The following RNF103 variants were observed in gnomAD, a reference collection of about 807,000 sequenced individuals.
RNF103 encodes E3 ubiquitin-protein ligase RNF103.
RNF103 carries 23 observed loss-of-function variants against 66.2 expected under a neutral mutation model. The observed-to-expected ratio is 0.35, with a 90% CI of 0.25 to 0.49. The LOEUF is 0.49. Among genes scored for constraint, RNF103 ranks in the 20% least tolerant of loss-of-function variants. The probability of loss-of-function intolerance (pLI) is 0.98; values close to 1 mark genes in which losing one functional copy is unlikely to be tolerated. For missense variants in RNF103, 730 were observed against 814.7 expected, an observed-to-expected ratio of 0.90 and a Z score of 1.27; for synonymous variants, 297 against 289.9, an observed-to-expected ratio of 1.02 and a Z score of -0.25.
chr2:86,622,580 G>A lies in RNF103; in HGVS notation c.226+81C>T, dbSNP rs879030259. 1.4e-5 allele frequency: 20 copies of A among 1,409,174 alleles called. No individual in the cohort carries two copies. The South Asian group carries it at 1.5e-4, about 11-fold the overall frequency. The allele number at this position is 1,409,174 out of a possible 1,614,324, so 87.3% of individuals were successfully genotyped here. On this transcript the variant is annotated intron_variant, in intron 1 of 3. Transcript: ENST00000237455. ...ACGCTTCCAGGAAAGGCCTCACTCT[G>A]GGGGAACAGCCAGGTACCAGGAGGT...
chr2:86,603,675 A>G lies in RNF103; in HGVS notation c.*168T>C, dbSNP rs1235522808. 3.0e-6 allele frequency: 3 copies of G among 986,186 alleles called. No homozygotes were observed. The highest frequency in any genetic ancestry group is 1.6e-5 in the African/African-American group (1 of 60,826). The allele number at this position is 986,186 out of a possible 1,614,324, so 61.1% of individuals were successfully genotyped here. On this transcript the variant is annotated 3_prime_UTR_variant, in exon 4 of 4. Coordinates refer to ENST00000237455, the MANE Select transcript of RNF103 (RefSeq NM_005667.4). ...TTTACAATTAGGTATGCATTCAATT[A>G]ACACACAAGGCAACCAAATAAATTC...
chr2:86,611,102 T>C (rs1198454340), intron 3 of RNF103, among the ~76,000 whole-genome samples: 2 of 150,658 alleles, frequency 1.3e-5, no homozygotes, highest in African/African-American at 4.9e-5. Context: ...CTTGAGCCCA[T>C]CCATCAGCTG....
At chr2:86,621,907 ATTCT>A (rs940004415) in intron 1 of RNF103, among the ~76,000 whole-genome samples, 4 of 152,208 alleles carry the variant, frequency 2.6e-5, no homozygotes, top group African/African-American at 4.8e-5. Flanking sequence ...CTAAAAACAC[ATTCT>A]TTAAGACATT....
chr2:86,619,054 A>G (rs946712137), intron 2 of RNF103, among the ~76,000 whole-genome samples: 1 of 152,180 alleles, frequency 6.6e-6, no homozygotes, highest in Non-Finnish European at 1.5e-5. Flanking sequence ...GAACAATGTA[A>G]ATCTCTGGAA....
chr2:86,616,235 T>C (rs147998960), intron 2 of RNF103, among the ~76,000 whole-genome samples: 241 of 152,320 alleles, frequency 1.6e-3, no homozygotes, highest in African/African-American at 5.6e-3. Flanking sequence ...TTAATCTCCA[T>C]ACAACGACAT....
Position 86,623,574 on chromosome 2 carries a change from C to G in RNF103, c.-688G>C. On this transcript the variant is annotated 5_prime_UTR_variant, in exon 1 of 4. Transcript: ENST00000237455. ...GCGGCTCCAGGTTCGCTCGGGCCGGCTGGCGGGCGGCGCCTCTCAGGCGGG... is the reference window on the plus strand; with the variant it reads ...GCGGCTCCAGGTTCGCTCGGGCCGGGTGGCGGGCGGCGCCTCTCAGGCGGG... 2.0e-6 allele frequency: 2 copies of G among 998,538 alleles called. No individual in the cohort carries two copies. Among genetic ancestry groups the G allele is most frequent in the South Asian group, 7.8e-5 (2 of 25,558 alleles). The allele number at this position is 998,538 out of a possible 1,614,324, so 61.9% of individuals were successfully genotyped here. A position where few individuals can be genotyped will look rare whatever the true frequency, so the allele number is the denominator to read the frequency against.
intron 3 of RNF103, among the ~76,000 whole-genome samples, chr2:86,607,219 C>T (rs1678606807): frequency 6.6e-6 from 1 of 152,072 alleles, no homozygotes; most frequent in Non-Finnish European, 1.5e-5. Flanking sequence ...CATTTTGCTA[C>T]TCAGAATATT....
Position 86,603,699 on chromosome 2 carries a change from T to G in RNF103, c.*144A>C. 1.7e-6 allele frequency: 2 copies of G among 1,209,750 alleles called. No individual in the cohort carries two copies. Among genetic ancestry groups the G allele is most frequent in the Non-Finnish European group, 2.2e-6 (2 of 892,282 alleles). The allele number at this position is 1,209,750 out of a possible 1,614,324, so 74.9% of individuals were successfully genotyped here. ...TAACACACAAGGCAACCAAATAAAT[T>G]CTGTCATCAACATTAGCATAATGTG... On this transcript the variant is annotated 3_prime_UTR_variant, in exon 4 of 4. Coordinates refer to ENST00000237455, the MANE Select transcript of RNF103 (RefSeq NM_005667.4).
chr2:86,607,903 C>A (rs1678633023), intron 3 of RNF103, among the ~76,000 whole-genome samples: 1 of 152,160 alleles, frequency 6.6e-6, no homozygotes, highest in Admixed American at 6.5e-5. Flanking sequence ...CATTTCTTCA[C>A]ATAAGAAAAC....
At chr2:86,617,173 C>T in intron 2 of RNF103, 1 of 985,414 alleles carries the variant, frequency 1.0e-6, no homozygotes, top group Non-Finnish European at 1.2e-6. Flanking sequence ...GTTCACATTA[C>T]AGAGACTATA....
intron 3 of RNF103, among the ~76,000 whole-genome samples, chr2:86,607,210 A>G (rs1678606263): frequency 6.6e-6 from 1 of 152,144 alleles, no homozygotes. Context: ...CTGACTTCGC[A>G]TTTTGCTACT....
intron 3 of RNF103, among the ~76,000 whole-genome samples, chr2:86,608,192 A>G (rs1678642878): frequency 1.3e-5 from 2 of 152,174 alleles, no homozygotes; most frequent in South Asian, 4.1e-4. Flanking sequence ...GTGGCATGCT[A>G]TATTTAAGAA....
Position 86,623,548 on chromosome 2 carries a change from G to T in RNF103, c.-662C>A. ...CCGCGAGAAGAGCGGCGGGCACGGC[G>T]GCGGCTCCAGGTTCGCTCGGGCCGG... On this transcript the variant is annotated 5_prime_UTR_variant, in exon 1 of 4. Transcript: ENST00000237455. 3.0e-6 allele frequency: 3 copies of T among 985,224 alleles called. No individual in the cohort carries two copies. Among genetic ancestry groups the T allele is most frequent in the Non-Finnish European group, 3.6e-6 (3 of 830,038 alleles). The allele number at this position is 985,224 out of a possible 1,614,324, so 61.0% of individuals were successfully genotyped here.
Position 86,604,195 on chromosome 2 carries a change from C to G in RNF103, c.1706G>C (p.Ser569Thr). The G allele has an allele frequency of 6.2e-7, 1 of 1,613,972 alleles. No homozygotes were observed. Among genetic ancestry groups the G allele is most frequent in the Non-Finnish European group, 8.5e-7 (1 of 1,180,042 alleles). ...TGAACAAGCCTCAGCATCACAGTGACTTGCTGTTCCTGGAGAATTGTGAAG... is the reference window on the plus strand; with the variant it reads ...TGAACAAGCCTCAGCATCACAGTGAGTTGCTGTTCCTGGAGAATTGTGAAG... ...SVLHNSPGTASHCDAEACSCA... is the reference protein window; with the variant it reads ...SVLHNSPGTATHCDAEACSCA... The change falls in exon 4 of 4, where the codon AGT becomes ACT. Residue 569 changes from serine to threonine, a missense_variant. By Grantham distance (58) the Ser-to-Thr change is moderately conservative. Coordinates refer to ENST00000237455, the MANE Select transcript of RNF103 (RefSeq NM_005667.4).
Position 86,603,829 on chromosome 2 carries a change from C to A in RNF103, c.*14G>T. 1 of 1,591,722 alleles carries A rather than the reference C, an allele frequency of 6.3e-7. No homozygotes were observed. ...TAAGATACTCAAAGCTTATAAAGGACAAATTGCACATGGTTAAGATGGGAC... is the reference window on the plus strand; with the variant it reads ...TAAGATACTCAAAGCTTATAAAGGAAAAATTGCACATGGTTAAGATGGGAC... On this transcript the variant is annotated 3_prime_UTR_variant, in exon 4 of 4. Coordinates refer to ENST00000237455, the MANE Select transcript of RNF103 (RefSeq NM_005667.4).
Position 86,608,119 on chromosome 2 carries a change from G to A in RNF103, c.483-2701C>T, listed in dbSNP as rs138568514. Among the ~76,000 whole-genome samples, 50 of 152,190 alleles carry A rather than the reference G, an allele frequency of 3.3e-4. 2 individuals are homozygous for A. In the East Asian group the frequency reaches 9.5e-3, roughly 29 times the overall value. On this transcript the variant is annotated intron_variant, in intron 3 of 3. Transcript: ENST00000237455. ...ACTAAACCTTTTGAGTTCTCTTAGA[G>A]AATTTTAAGACTAAAAACGATAGGA... is the stretch of plus-strand genomic sequence containing the variant.
At chr2:86,605,518 T>C in intron 3 of RNF103, 100 bp from the exon 4 acceptor site, 4 of 1,268,308 alleles carry the variant, frequency 3.2e-6, no homozygotes, top group Non-Finnish European at 4.2e-6. Flanking sequence ...AGCCAAATAA[T>C]TTCCAAATAA....
chr2:86,604,381 T>A lies in RNF103; in HGVS notation c.1520A>T (p.Asp507Val). The change falls in exon 4 of 4, where the codon GAT becomes GTT. Residue 507 changes from aspartate (D) to valine (V), a missense_variant. Physicochemically the swap from Asp to Val is radical, Grantham distance 152. Coordinates refer to ENST00000237455, the MANE Select transcript of RNF103 (RefSeq NM_005667.4). Reference protein sequence around the residue: ...DLWLHPLIPTDYIKNLPMWRF... With the variant: ...DLWLHPLIPTVYIKNLPMWRF... Reference sequence around the variant, plus strand: ...CCACATTGGTAAGTTTTTAATATAATCAGTTGGTATCAGAGGGTGAAGCCA... The same window carrying A: ...CCACATTGGTAAGTTTTTAATATAAACAGTTGGTATCAGAGGGTGAAGCCA... The A allele has an allele frequency of 2.5e-6, 4 of 1,614,204 alleles. No homozygotes were observed. Among genetic ancestry groups the A allele is most frequent in the Non-Finnish European group, 3.4e-6 (4 of 1,180,038 alleles).
intron 3 of RNF103, 149 bp from the exon 4 acceptor site, chr2:86,605,567 A>G: frequency 1.4e-6 from 1 of 695,670 alleles, no homozygotes; most frequent in Non-Finnish European, 2.2e-6. Context: ...TGTGAAAAAC[A>G]AGCTCTGTTT....
Sources: gnomAD v4.1 joint callset for allele counts (sites outside exome capture counted in the v4.1 genomes callset) on GRCh38, gnomAD v4.1.1 for gene constraint, MANE v1.5 for transcripts, NCBI Gene and HGNC (gene_info 2026-07-23, HGNC 2026-07-21) for gene names.